Variants in UNC5D observed in about 807,000 individuals in gnomAD.
UNC5D encodes unc-5 netrin receptor D, also known as netrin receptor UNC5D.
Under a neutral mutation model 105.4 loss-of-function variants are expected in UNC5D, and 39 were observed. The ratio of observed to expected loss-of-function variants is 0.37; its 90% CI spans 0.29 to 0.48. The LOEUF (loss-of-function observed/expected upper bound fraction) is 0.48, where lower values mean the gene tolerates loss of function less well. Ranked by LOEUF, UNC5D falls within the 20% of genes least tolerant of loss-of-function variation. UNC5D has a pLI of 0.98. For missense variants in UNC5D, 991 were observed against 1,202.4 expected (o/e 0.82, Z 2.60); for synonymous variants, 452 against 450.4 (o/e 1.00, Z -0.04).
intron 1 of UNC5D, among the ~76,000 whole-genome samples, chr8:35,335,908 T>C (rs1014980286): frequency 1.3e-5 from 2 of 151,720 alleles, no homozygotes; most frequent in South Asian, 2.1e-4. Context: ...GGACTACAGG[T>C]GCCCACCACC....
chr8:35,245,133 A>G (rs1046226435), intron 1 of UNC5D, among the ~76,000 whole-genome samples: 78 of 152,160 alleles, frequency 5.1e-4, no homozygotes, highest in African/African-American at 1.9e-3. Flanking sequence ...TTTTGAGTGT[A>G]TGTGCTTTAT....
In UNC5D at chr8:35,780,420, A is replaced by C. The variant is rs548288407; in HGVS notation, c.2657+5943A>C. On this transcript the variant is annotated intron_variant, in intron 16 of 16. Transcript: ENST00000404895. ...TTCATTTCCTCTGTCCATCCTATTA[A>C]TTGGATGCAAAGGAACAGTGAGATG... Among the ~76,000 whole-genome samples, 4 of 152,302 alleles carry C rather than the reference A, an allele frequency of 2.6e-5. No homozygotes were observed. The East Asian group carries it at 7.7e-4, about 29-fold the overall frequency.
chr8:35,767,138 C>T, intron 15 of UNC5D, 72 bp downstream of exon 15: 1 of 1,485,706 alleles, frequency 6.7e-7, no homozygotes, highest in Non-Finnish European at 9.0e-7. Context: ...CTATACCTAC[C>T]AGCCGTGCTA....
In UNC5D at chr8:35,726,382, C is replaced by T; in HGVS notation, c.1534C>T (p.His512Tyr). 3 of 1,614,118 alleles carry T rather than the reference C, an allele frequency of 1.9e-6. No individual in the cohort carries two copies. Among genetic ancestry groups the T allele is most frequent in the South Asian group, 2.2e-5 (2 of 91,076 alleles). ...CAAGAATCATTCCAGGACTTTTCCC[C>T]ATGGAAACAACCACAGCTTTAGTAC... ...HGKNHSRTFP[H>Y]GNNHSFSTMH... The change falls in exon 10 of 17, where the codon CAT becomes TAT. Residue 512 changes from histidine (H) to tyrosine (Y), a missense_variant. By Grantham distance (83) the His-to-Tyr change is moderately conservative. Around this residue, in one of 3 missense-constraint regions of UNC5D, gnomAD observed 944 missense variants for 1,131.6 expected, o/e 0.83. Coordinates refer to ENST00000404895, the MANE Select transcript of UNC5D (RefSeq NM_080872.4).
At chr8:35,407,546 T>C (rs762540871) in intron 1 of UNC5D, among the ~76,000 whole-genome samples, 2 of 151,748 alleles carry the variant, frequency 1.3e-5, no homozygotes, top group African/African-American at 4.8e-5. Flanking sequence ...TGTATGTATG[T>C]ATTCCTTTTA....
intron 16 of UNC5D, 78 bp downstream of exon 16, chr8:35,774,555 A>G (rs1327604149): frequency 3.3e-6 from 5 of 1,526,164 alleles, no homozygotes; most frequent in African/African-American, 1.4e-5. Flanking sequence ...GAAACCATGT[A>G]GTTTCTGAGC....
intron 1 of UNC5D, among the ~76,000 whole-genome samples, chr8:35,530,258 G>A (rs1247732191): frequency 5.0e-5 from 7 of 138,818 alleles, no homozygotes; most frequent in African/African-American, 1.9e-4. Context: ...AGCATGAAGG[G>A]TTGTTGAATT....
At position 35,588,870 on chromosome 8, in the gene UNC5D, G is replaced by A. The variant is rs150557884; in HGVS notation, c.467-6684G>A. Among the ~76,000 whole-genome samples, 263 of 152,110 alleles carry A rather than the reference G, an allele frequency of 1.7e-3. 2 individuals carry two copies. Among genetic ancestry groups the A allele is most frequent in the African/African-American group, 5.8e-3 (239 of 41,488 alleles). On this transcript the variant is annotated intron_variant, in intron 3 of 16. Coordinates refer to ENST00000404895, the MANE Select transcript of UNC5D (RefSeq NM_080872.4). ...AGCATGGCCAATAAGGCAAAACCCC[G>A]TCTCTACTAAAAATACAAAAAATTT...
intron 4 of UNC5D, among the ~76,000 whole-genome samples, chr8:35,665,036 G>A (rs1824340732): frequency 6.6e-6 from 1 of 151,854 alleles, no homozygotes. Context: ...GTCTTGTTTT[G>A]TTGCCCCAGC....
At chr8:35,302,551 A>G (rs578034174) in intron 1 of UNC5D, among the ~76,000 whole-genome samples, 3 of 152,360 alleles carry the variant, frequency 2.0e-5, no homozygotes, top group African/African-American at 4.8e-5. Flanking sequence ...ACGCAAGTGC[A>G]CATGATAGAC....
chr8:35,497,046 C>T (rs1811647934), intron 1 of UNC5D, among the ~76,000 whole-genome samples: 1 of 152,068 alleles, frequency 6.6e-6, no homozygotes, highest in Non-Finnish European at 1.5e-5. Context: ...TTATATGACC[C>T]AGAAGCCCTC....
At chr8:35,327,263 A>C (rs962104311) in intron 1 of UNC5D, among the ~76,000 whole-genome samples, 4 of 152,156 alleles carry the variant, frequency 2.6e-5, no homozygotes, top group African/African-American at 9.7e-5. Flanking sequence ...AACTATGTAA[A>C]TTATATCAGT....
At chr8:35,237,850 A>G (rs1446062310) in intron 1 of UNC5D, among the ~76,000 whole-genome samples, 1 of 152,172 alleles carries the variant, frequency 6.6e-6, no homozygotes, top group Non-Finnish European at 1.5e-5. Flanking sequence ...AAACCGGTGA[A>G]GCCACATGCA....
At chr8:35,592,833 A>G (rs945418824) in intron 3 of UNC5D, among the ~76,000 whole-genome samples, 1 of 151,886 alleles carries the variant, frequency 6.6e-6, no homozygotes, top group Non-Finnish European at 1.5e-5. Context: ...CATTGCCTTT[A>G]ATCTTTGTTC....
At chr8:35,370,290 C>T (rs963884271) in intron 1 of UNC5D, among the ~76,000 whole-genome samples, 1 of 152,054 alleles carries the variant, frequency 6.6e-6, no homozygotes, top group Non-Finnish European at 1.5e-5. Flanking sequence ...TATGGCAATG[C>T]TAAATTAAAG....
At chr8:35,449,605 T>C (rs559335212) in intron 1 of UNC5D, among the ~76,000 whole-genome samples, 1 of 152,260 alleles carries the variant, frequency 6.6e-6, no homozygotes, top group Middle Eastern at 3.4e-3. Context: ...TTATTTTATA[T>C]GCTTGGGAAA....
intron 4 of UNC5D, among the ~76,000 whole-genome samples, chr8:35,663,615 T>C (rs889729985): frequency 3.3e-5 from 5 of 152,138 alleles, no homozygotes; most frequent in African/African-American, 1.2e-4. Flanking sequence ...GTATGTAGCA[T>C]ATGCAGCAAT....
chr8:35,374,610 C>T (rs1214492043), intron 1 of UNC5D, among the ~76,000 whole-genome samples: 1 of 152,114 alleles, frequency 6.6e-6, no homozygotes, highest in Non-Finnish European at 1.5e-5. Flanking sequence ...CAGTGAGCTC[C>T]CAAATGCTTA....
intron 16 of UNC5D, among the ~76,000 whole-genome samples, chr8:35,776,865 G>A (rs1802270455): frequency 6.6e-6 from 1 of 152,112 alleles, no homozygotes; most frequent in Non-Finnish European, 1.5e-5. Context: ...TCCAAGCACT[G>A]TAGGAGGCCA....
Sources: gnomAD v4.1 joint callset for allele counts (sites outside exome capture counted in the v4.1 genomes callset) on GRCh38, gnomAD v4.1.1 for gene constraint, gnomAD v4.1.1 regional missense constraint, MANE v1.5 for transcripts, NCBI Gene and HGNC (gene_info 2026-07-23, HGNC 2026-07-21) for gene names.